TSPAN18: variants seen among roughly 807,000 people sequenced by gnomAD.
The protein encoded by TSPAN18 is tetraspanin 18.
In TSPAN18, 14 loss-of-function variants were observed where a neutral mutation model predicts 27.3. The observed-to-expected ratio is 0.51, with a 90% CI of 0.34 to 0.80. TSPAN18 has a LOEUF of 0.80. TSPAN18 is among the 30% of genes least tolerant of loss of function. The pLI, the probability that TSPAN18 is intolerant of heterozygous loss-of-function variation, is 0.01. For missense variants in TSPAN18, 268 were observed against 323.9 expected, an observed-to-expected ratio of 0.83 and a Z score of 1.32; for synonymous variants, 143 against 136.5, an observed-to-expected ratio of 1.05 and a Z score of -0.33.
chr11:44,777,699 C>T (rs1449665614), intron 2 of TSPAN18, among the ~76,000 whole-genome samples: 1 of 152,310 alleles, frequency 6.6e-6, no homozygotes, highest in East Asian at 1.9e-4. Flanking sequence ...TCTCCTCTCC[C>T]ACTGTTAATA....
intron 2 of TSPAN18, among the ~76,000 whole-genome samples, chr11:44,859,306 T>A (rs1285159251): frequency 6.6e-6 from 1 of 152,234 alleles, no homozygotes; most frequent in African/African-American, 2.4e-5. Context: ...CCTGACATGC[T>A]CATGCACTAT....
chr11:44,795,329 G>A (rs941203261), intron 2 of TSPAN18, among the ~76,000 whole-genome samples: 6 of 140,890 alleles, frequency 4.3e-5, no homozygotes, highest in South Asian at 5.4e-4. Context: ...GGCATGAGGC[G>A]ATGTTTAAGA....
intron 2 of TSPAN18, among the ~76,000 whole-genome samples, chr11:44,819,989 C>A (rs1364215064): frequency 6.6e-6 from 1 of 152,138 alleles, no homozygotes; most frequent in African/African-American, 2.4e-5. Flanking sequence ...ACACAGAGAA[C>A]CATCTGCACT....
At chr11:44,903,059 C>T (rs835996) in intron 3 of TSPAN18, among the ~76,000 whole-genome samples, 147,577 of 152,210 alleles carry the variant, frequency 0.97, 71,704 homozygotes, top group East Asian at 1. Context: ...ACAGCCACGA[C>T]TCTGCTCCTC....
At chr11:44,833,355 A>G (rs899449687) in intron 2 of TSPAN18, among the ~76,000 whole-genome samples, 1 of 151,830 alleles carries the variant, frequency 6.6e-6, no homozygotes, top group Non-Finnish European at 1.5e-5. Flanking sequence ...CCTACCTCTG[A>G]GCAAATGGTG....
chr11:44,782,404 G>A (rs750503102), intron 2 of TSPAN18, among the ~76,000 whole-genome samples: 1 of 151,992 alleles, frequency 6.6e-6, no homozygotes, highest in African/African-American at 2.4e-5. Context: ...TTAGCTGAGC[G>A]TAGTAGTGGG....
At chr11:44,807,174 T>G in intron 2 of TSPAN18, among the ~76,000 whole-genome samples, 1 of 115,860 alleles carries the variant, frequency 8.6e-6, no homozygotes, top group Admixed American at 1.1e-4. Flanking sequence ...CCTGGCTAAG[T>G]AGCAAGACCC....
intron 2 of TSPAN18, among the ~76,000 whole-genome samples, chr11:44,809,990 A>G (rs562216890): frequency 3.3e-5 from 5 of 152,328 alleles, no homozygotes; most frequent in African/African-American, 1.2e-4. Context: ...ACCATAGGTC[A>G]TAGGGTTAGG....
chr11:44,783,545 C>T lies in TSPAN18; in HGVS notation c.-153+19033C>T, dbSNP rs190114391. On this transcript the variant is annotated intron_variant, in intron 2 of 9. Transcript: ENST00000520358. ...TCCCGAGTAGCTGGGACTATAGACA[C>T]GTACCACCACGCCCGGCTAATTTTT... 1.6e-3 allele frequency among the ~76,000 whole-genome samples: 247 copies of T among 152,066 alleles called. 1 individual carries two copies. Among genetic ancestry groups the T allele is most frequent in the African/African-American group, 5.6e-3 (233 of 41,468 alleles).
At chr11:44,790,164 TGC>T (rs1565150192) in intron 2 of TSPAN18, among the ~76,000 whole-genome samples, 2 of 150,526 alleles carry the variant, frequency 1.3e-5, no homozygotes, top group African/African-American at 4.9e-5. Context: ...TGTGTGTGTG[TGC>T]ATGTGTGTGT....
chr11:44,833,120 G>A (rs1289309776), intron 2 of TSPAN18, among the ~76,000 whole-genome samples: 2 of 150,612 alleles, frequency 1.3e-5, no homozygotes, highest in African/African-American at 4.9e-5. Context: ...AAAGCCTGTG[G>A]TCTGCCCCTT....
intron 2 of TSPAN18, among the ~76,000 whole-genome samples, chr11:44,788,273 G>A (rs1250013043): frequency 6.6e-6 from 1 of 152,104 alleles, no homozygotes; most frequent in Non-Finnish European, 1.5e-5. Context: ...GGAACTTTCT[G>A]TGTGGATTGA....
At chr11:44,908,814 A>AGAAAGAAGGAAGGAAGGAAGGAAGGAAG (rs1590671103) in intron 4 of TSPAN18, among the ~76,000 whole-genome samples, 1 of 114,738 alleles carries the variant, frequency 8.7e-6, no homozygotes, top group African/African-American at 3.6e-5. Flanking sequence ...AAAGAAAGAA[A>AGAAAGAAGGAAGGAAGGAAGGAAGGAAG]GAAAGAAAGA....
chr11:44,789,034 C>T (rs774969512), intron 2 of TSPAN18, among the ~76,000 whole-genome samples: 9 of 152,192 alleles, frequency 5.9e-5, no homozygotes, highest in Non-Finnish European at 1.0e-4. Flanking sequence ...GTTGTCCAGA[C>T]AGGAAAAGGA....
chr11:44,920,195 C>CA (rs1266685232), intron 8 of TSPAN18, among the ~76,000 whole-genome samples, 196 bp downstream of exon 8: 7 of 152,188 alleles, frequency 4.6e-5, no homozygotes, highest in Non-Finnish European at 1.0e-4. Flanking sequence ...GAGATCCAAC[C>CA]AAAATGGGGA....
intron 1 of TSPAN18, among the ~76,000 whole-genome samples, chr11:44,731,534 T>C (rs1854654402): frequency 6.6e-6 from 1 of 152,056 alleles, no homozygotes; most frequent in Non-Finnish European, 1.5e-5. Context: ...ATTATCATTA[T>C]TACTATTATT....
Position 44,909,855 on chromosome 11 carries a change from G to A in TSPAN18, c.214G>A (p.Gly72Ser). 1 of 1,613,974 alleles carries A rather than the reference G, an allele frequency of 6.2e-7. No individual in the cohort carries two copies. The highest frequency in any genetic ancestry group is 1.1e-5 in the South Asian group (1 of 91,078). ...GGLLFLLGFLGCCGAVRENKC... is the reference protein window; with the variant it reads ...GGLLFLLGFLSCCGAVRENKC... Reference sequence around the variant, plus strand: ...CCTGCTCTTTCTGCTCGGCTTCCTGGGCTGCTGCGGGGCCGTCCGTGAGAA... The same window carrying A: ...CCTGCTCTTTCTGCTCGGCTTCCTGAGCTGCTGCGGGGCCGTCCGTGAGAA... The change falls in exon 5 of 10, where the codon GGC (glycine) becomes AGC (serine). Residue 72 changes from glycine to serine, a missense_variant. Gly to Ser is a moderately conservative substitution (Grantham distance 56, BLOSUM62 0). Transcript: ENST00000520358.
chr11:44,852,832 T>G (rs977393248), intron 2 of TSPAN18, among the ~76,000 whole-genome samples: 2 of 152,142 alleles, frequency 1.3e-5, no homozygotes, highest in Non-Finnish European at 2.9e-5. Context: ...ACCAAGATGG[T>G]CTGCAAATGA....
intron 2 of TSPAN18, among the ~76,000 whole-genome samples, chr11:44,855,896 T>C (rs145270044): frequency 6.6e-6 from 1 of 151,950 alleles, no homozygotes; most frequent in Non-Finnish European, 1.5e-5. Flanking sequence ...TTTTTTGTTG[T>C]TGTTGAGACA....
Sources: allele counts gnomAD v4.1 joint callset (sites outside exome capture counted in the v4.1 genomes callset), GRCh38; gene constraint gnomAD v4.1.1; transcripts MANE v1.5; gene names NCBI Gene and HGNC (gene_info 2026-07-23, HGNC 2026-07-21).